Variants in CLCN5 observed in about 807,000 individuals in gnomAD.
CLCN5 encodes H(+)/Cl(-) exchange transporter 5.
Under a neutral mutation model 54.0 loss-of-function variants are expected in CLCN5, and 17 were observed. That is an observed-to-expected ratio of 0.31 (90% CI 0.22 to 0.47). The LOEUF is 0.47. CLCN5 is among the 20% of genes least tolerant of loss of function. The probability of loss-of-function intolerance (pLI) is 1.00; values close to 1 mark genes in which losing one functional copy is unlikely to be tolerated. For missense variants in CLCN5, 448 were observed against 646.7 expected, an observed-to-expected ratio of 0.69 and a Z score of 3.33; for synonymous variants, 222 against 233.0, an observed-to-expected ratio of 0.95 and a Z score of 0.43.
At chrX:50,032,804 G>A (rs1426517695) in intron 3 of CLCN5, among the ~76,000 whole-genome samples, 1 of 109,466 alleles carries the variant, frequency 9.1e-6, no homozygotes, top group Non-Finnish European at 1.9e-5. Context: ...CCATGCCTAT[G>A]TCCTGAATGG....
intron 3 of CLCN5, among the ~76,000 whole-genome samples, chrX:49,991,246 C>T (rs1365616749): frequency 1.8e-5 from 2 of 112,020 alleles, no homozygotes; most frequent in African/African-American, 3.2e-5. Context: ...TAATTATGGC[C>T]ATTCTTGCTG....
chrX:49,971,541 A>G (rs73490041), intron 3 of CLCN5, among the ~76,000 whole-genome samples: 1,776 of 110,685 alleles, frequency 0.016, 32 homozygotes, highest in African/African-American at 0.054. Flanking sequence ...GTTCTCTTCT[A>G]TTCCTACTTT....
rs1569540420 is a variant in CLCN5, at chrX:50,088,824, C to G, written c.1684C>G (p.Gln562Glu). Residue 562 changes from glutamine (Q) to glutamate (E), a missense_variant, in exon 12 of 15, where the codon CAG becomes GAG. Coordinates refer to ENST00000376091, the MANE Select transcript of CLCN5 (RefSeq NM_001127898.4). Reference protein sequence around the residue: ...EWTVFNSWCSQGADCITPGLY... With the variant: ...EWTVFNSWCSEGADCITPGLY... ...GACCGTCTTCAATAGCTGGTGTAGT[C>G]AGGGAGCTGATTGCATCACCCCCGG... 1 of 1,211,564 alleles carries G rather than the reference C, an allele frequency of 8.3e-7. No individual in the cohort carries two copies. The highest frequency in any genetic ancestry group is 1.1e-6 in the Non-Finnish European group (1 of 895,313).
chrX:50,067,522 G>C (rs1049290781), intron 4 of CLCN5: 1 of 642,130 alleles, frequency 1.6e-6, no homozygotes, highest in Non-Finnish European at 1.9e-6. Context: ...CTCCCAGGCT[G>C]GTCCAAAGGT....
intron 3 of CLCN5, among the ~76,000 whole-genome samples, chrX:49,994,287 G>A (rs976282410): frequency 9.0e-6 from 1 of 111,274 alleles, no homozygotes; most frequent in Non-Finnish European, 1.9e-5. Context: ...AATGATGTCT[G>A]TAACCCATAA....
chrX:50,021,331 C>T, intron 3 of CLCN5, among the ~76,000 whole-genome samples: 1 of 51,545 alleles, frequency 1.9e-5, no homozygotes, highest in African/African-American at 1.3e-4. Context: ...ATTTTGTATC[C>T]TGAGACTTTG....
chrX:49,926,049 T>C lies in CLCN5; in HGVS notation c.16+735T>C, dbSNP rs191809015. ...AAATGATAGACAAACACTACCAAAATTGGCCTGTGACCCACAAAAAGTTAA... is the reference window on the plus strand; with the variant it reads ...AAATGATAGACAAACACTACCAAAACTGGCCTGTGACCCACAAAAAGTTAA... On this transcript the variant is annotated intron_variant, in intron 3 of 14. Coordinates refer to ENST00000376091, the MANE Select transcript of CLCN5 (RefSeq NM_001127898.4). Among the ~76,000 whole-genome samples, 194 of 112,232 alleles carry C rather than the reference T, an allele frequency of 1.7e-3. 1 individual carries two copies. The highest frequency in any genetic ancestry group is 1.8e-3 in the Non-Finnish European group (96 of 53,262).
chrX:50,076,224 A>G lies in CLCN5; in HGVS notation c.603+242A>G, dbSNP rs17174058. 0.11 allele frequency among the ~76,000 whole-genome samples: 12,471 copies of G among 111,116 alleles called. 1,716 individuals carry two copies. The highest frequency in any genetic ancestry group is 0.39 in the African/African-American group (11,859 of 30,338). ...TTTTGTTTGCTTTACTAAGCCTGGT[A>G]TTTCTTCTTAGGTACTAGTACATAG... On this transcript the variant is annotated intron_variant, in intron 7 of 14. Coordinates refer to ENST00000376091, the MANE Select transcript of CLCN5 (RefSeq NM_001127898.4).
intron 4 of CLCN5, among the ~76,000 whole-genome samples, chrX:50,050,048 T>C (rs782694120): frequency 2.7e-5 from 3 of 112,431 alleles, no homozygotes; most frequent in African/African-American, 9.7e-5. Flanking sequence ...TTCTTATTGC[T>C]GAATAGTATT....
intron 4 of CLCN5, chrX:50,067,422 G>A (rs1933063785): frequency 7.4e-6 from 1 of 134,564 alleles, no homozygotes; most frequent in South Asian, 3.3e-4. Context: ...CAGGTTTCCT[G>A]AGCTGACCCG....
chrX:50,096,038 A>G lies in CLCN5; in HGVS notation c.*3819A>G, dbSNP rs1176973947. 9.0e-6 allele frequency: 1 copy of G among 111,684 alleles called. No individual in the cohort carries two copies. The highest frequency in any genetic ancestry group is 1.9e-5 in the Non-Finnish European group (1 of 53,217). The allele number at this position is 111,684 out of a possible 1,213,427, so 9.2% of individuals were successfully genotyped here. On this transcript the variant is annotated 3_prime_UTR_variant, in exon 15 of 15. Coordinates refer to ENST00000376091, the MANE Select transcript of CLCN5 (RefSeq NM_001127898.4). ...GAACTTGAAACAGCCAGCATATTTT[A>G]TATTGCCAAAGTACTTACTGATGAC...
intron 8 of CLCN5, among the ~76,000 whole-genome samples, chrX:50,081,228 T>TC (rs1557193096): frequency 3.6e-5 from 4 of 110,729 alleles, no homozygotes. Context: ...CACAATTTTT[T>TC]TTTTTTTTAA....
rs186317526 is a variant in CLCN5, at chrX:49,970,789, T to C, written c.16+45475T>C. The stretch of plus-strand genomic sequence containing the variant: ...TGGCTATATACCTAGGACTGGAATT[T>C]CTGGGTCATATGATAACTCTGTGTT... On this transcript the variant is annotated intron_variant, in intron 3 of 14. Coordinates refer to ENST00000376091, the MANE Select transcript of CLCN5 (RefSeq NM_001127898.4). 4.5e-3 allele frequency among the ~76,000 whole-genome samples: 505 copies of C among 111,696 alleles called. 5 individuals are homozygous for C. The highest frequency in any genetic ancestry group is 0.015 in the African/African-American group (467 of 30,716).
chrX:49,934,075 C>T (rs1289847230), intron 3 of CLCN5, among the ~76,000 whole-genome samples: 3 of 110,913 alleles, frequency 2.7e-5, no homozygotes, highest in Non-Finnish European at 3.8e-5. Flanking sequence ...GCCCAGCCCG[C>T]TCTTTCTCTG....
intron 3 of CLCN5, among the ~76,000 whole-genome samples, chrX:49,993,444 A>G (rs1929363426): frequency 8.9e-6 from 1 of 112,131 alleles, no homozygotes; most frequent in Non-Finnish European, 1.9e-5. Context: ...GAGGGGGTCC[A>G]GAGTGTCCTT....
intron 10 of CLCN5, 71 bp downstream of exon 10, chrX:50,086,131 T>C: frequency 2.1e-6 from 2 of 941,134 alleles, no homozygotes; most frequent in Non-Finnish European, 3.1e-6. Context: ...AGCGCAATAA[T>C]TTTGTACATA....
chrX:49,965,797 T>C (rs1927813208), intron 3 of CLCN5, among the ~76,000 whole-genome samples: 1 of 112,325 alleles, frequency 8.9e-6, no homozygotes, highest in Admixed American at 9.4e-5. Flanking sequence ...ATTCCTAGTT[T>C]ACTGAGAGGT....
At chrX:50,078,355 A>G (rs193083621) in intron 7 of CLCN5, among the ~76,000 whole-genome samples, 226 of 111,080 alleles carry the variant, frequency 2.0e-3, no homozygotes, top group Non-Finnish European at 3.4e-3. Flanking sequence ...CACAAAAGTA[A>G]TTACAGATTC....
chrX:50,069,219 A>T (rs782333765), intron 4 of CLCN5, among the ~76,000 whole-genome samples: 1 of 112,108 alleles, frequency 8.9e-6, no homozygotes, highest in African/African-American at 3.2e-5. Context: ...GGGCAGGTGG[A>T]TATGTTTCTT....
Sources: allele counts gnomAD v4.1 joint callset (sites outside exome capture counted in the v4.1 genomes callset), GRCh38; gene constraint gnomAD v4.1.1; transcripts MANE v1.5; gene names NCBI Gene and HGNC (gene_info 2026-07-23, HGNC 2026-07-21).